The following ADAMTS12 variants were observed in gnomAD, a reference collection of about 807,000 sequenced individuals.
The protein encoded by ADAMTS12 is A disintegrin and metalloproteinase with thrombospondin motifs 12.
A neutral mutation model predicts 167.8 loss-of-function variants in ADAMTS12; 118 were observed. The ratio of observed to expected loss-of-function variants is 0.70; its 90% CI spans 0.61 to 0.82. The LOEUF (loss-of-function observed/expected upper bound fraction) is 0.82. ADAMTS12 is among the 40% of genes least tolerant of loss of function. ADAMTS12 has a pLI of 0.00. For missense variants in ADAMTS12, 1,916 were observed against 1,998.8 expected, an observed-to-expected ratio of 0.96 and a Z score of 0.79; for synonymous variants, 704 against 716.9, an observed-to-expected ratio of 0.98 and a Z score of 0.29.
At chr5:33,571,081 C>T (rs1160003317) in intron 19 of ADAMTS12, among the ~76,000 whole-genome samples, 2 of 152,136 alleles carry the variant, frequency 1.3e-5, no homozygotes, top group East Asian at 1.9e-4. Context: ...TACAGGAGCA[C>T]CCAGATTCAT....
At chr5:33,803,550 T>G (rs989230231) in intron 2 of ADAMTS12, among the ~76,000 whole-genome samples, 12 of 152,186 alleles carry the variant, frequency 7.9e-5, no homozygotes, top group African/African-American at 2.9e-4. Flanking sequence ...CAAAGTACAA[T>G]GATCTCTATG....
At chr5:33,702,985 C>T (rs1026166886) in intron 3 of ADAMTS12, among the ~76,000 whole-genome samples, 1 of 152,190 alleles carries the variant, frequency 6.6e-6, no homozygotes, top group East Asian at 1.9e-4. Context: ...TGTTCATCCA[C>T]AGGTGGGGAG....
chr5:33,684,006 C>T lies in ADAMTS12; in HGVS notation c.684G>A (p.Glu228=). ...QKQELWREKW[E]RHNLPSRSLS... ...GGCTTCTGCTTGGCAAGTTGTGCCT[C>T]TCCCACTTCTCCCGCCATAGCTCTT... is the stretch of plus-strand genomic sequence containing the variant. Residue 228 remains glutamate (E), a synonymous_variant, in exon 4 of 24, where the codon GAG becomes GAA. Coordinates refer to ENST00000504830, the MANE Select transcript of ADAMTS12 (RefSeq NM_030955.4). 1 of 1,604,386 alleles carries T rather than the reference C, an allele frequency of 6.2e-7. No homozygotes were observed. Among genetic ancestry groups the T allele is most frequent in the South Asian group, 1.1e-5 (1 of 89,804 alleles).
At chr5:33,825,352 A>G (rs1748022693) in intron 2 of ADAMTS12, among the ~76,000 whole-genome samples, 1 of 152,212 alleles carries the variant, frequency 6.6e-6, no homozygotes, top group Non-Finnish European at 1.5e-5. Flanking sequence ...GATTCTGGTG[A>G]TATCAATGAA....
intron 2 of ADAMTS12, among the ~76,000 whole-genome samples, chr5:33,858,353 T>G (rs1280284127): frequency 1.3e-5 from 2 of 152,110 alleles, no homozygotes; most frequent in African/African-American, 4.8e-5. Flanking sequence ...AAGCACAAAA[T>G]GCTTACAGTA....
intron 22 of ADAMTS12, among the ~76,000 whole-genome samples, chr5:33,538,990 G>A (rs570410298): frequency 3.9e-5 from 6 of 152,110 alleles, no homozygotes; most frequent in Non-Finnish European, 7.4e-5. Flanking sequence ...CACCCAGGCT[G>A]GAGTGCAGTG....
intron 3 of ADAMTS12, among the ~76,000 whole-genome samples, chr5:33,723,681 C>A (rs774911243): frequency 1.3e-5 from 2 of 152,184 alleles, no homozygotes; most frequent in Admixed American, 1.3e-4. Context: ...GTGTGTGCAA[C>A]CCCAGCCCTG....
chr5:33,630,229 A>G (rs1225258700), intron 13 of ADAMTS12, among the ~76,000 whole-genome samples: 2 of 152,216 alleles, frequency 1.3e-5, no homozygotes, highest in African/African-American at 4.8e-5. Context: ...AGCAACAAGG[A>G]ATTCTTTAAT....
At chr5:33,704,892 A>T (rs11951812) in intron 3 of ADAMTS12, among the ~76,000 whole-genome samples, 8 of 151,912 alleles carry the variant, frequency 5.3e-5, no homozygotes, top group Non-Finnish European at 1.0e-4. Context: ...TGGTTTTATA[A>T]GCAAGAAATC....
chr5:33,884,834 T>C (rs1427605156), intron 1 of ADAMTS12, among the ~76,000 whole-genome samples: 1 of 152,262 alleles, frequency 6.6e-6, no homozygotes, highest in Non-Finnish European at 1.5e-5. Flanking sequence ...TACCCTGTTA[T>C]ACATGCAAGT....
intron 2 of ADAMTS12, among the ~76,000 whole-genome samples, chr5:33,764,742 T>C (rs1013527103): frequency 6.6e-6 from 1 of 152,038 alleles, no homozygotes; most frequent in African/African-American, 2.4e-5. Flanking sequence ...GCTTTAAAAT[T>C]GGGGAAAATA....
At chr5:33,741,549 C>A (rs1189305416) in intron 3 of ADAMTS12, among the ~76,000 whole-genome samples, 1 of 152,148 alleles carries the variant, frequency 6.6e-6, no homozygotes, top group Non-Finnish European at 1.5e-5. Context: ...GGGAGGACAC[C>A]ATTTAGCTCA....
chr5:33,647,670 G>T (rs920731366), intron 9 of ADAMTS12, among the ~76,000 whole-genome samples: 1 of 152,202 alleles, frequency 6.6e-6, no homozygotes, highest in African/African-American at 2.4e-5. Flanking sequence ...GGCAGAGGTT[G>T]CAGTGAGCCA....
chr5:33,716,151 G>A (rs902767462), intron 3 of ADAMTS12, among the ~76,000 whole-genome samples: 4 of 152,070 alleles, frequency 2.6e-5, no homozygotes, highest in Admixed American at 6.6e-5. Flanking sequence ...TCGTAAATGG[G>A]ATTAGTGCCC....
intron 3 of ADAMTS12, among the ~76,000 whole-genome samples, chr5:33,709,962 G>A (rs1345294926): frequency 6.6e-6 from 1 of 151,944 alleles, no homozygotes; most frequent in African/African-American, 2.4e-5. Context: ...AGCAATCCAC[G>A]CAAACCAAGT....
rs181522962 is a variant in ADAMTS12 at position 33,878,785 on chromosome 5, T to C, written c.489+2334A>G. Among the ~76,000 whole-genome samples, 488 of 152,294 alleles carry C rather than the reference T, an allele frequency of 3.2e-3. 2 individuals are homozygous for C. Among genetic ancestry groups the C allele is most frequent in the African/African-American group, 0.011 (458 of 41,566 alleles). ...AAAAATGCTGATGCTGGGACTCTAC[T>C]CTCAGACCAATTAAATCAAAACATC... is the stretch of plus-strand genomic sequence containing the variant. On this transcript the variant is annotated intron_variant, in intron 2 of 23. Coordinates refer to ENST00000504830, the MANE Select transcript of ADAMTS12 (RefSeq NM_030955.4).
chr5:33,603,743 T>C (rs1165956393), intron 16 of ADAMTS12: 4 of 151,914 alleles, frequency 2.6e-5, no homozygotes, highest in Non-Finnish European at 5.9e-5. Context: ...AAAGGTAATA[T>C]TTTAAAAATT....
intron 13 of ADAMTS12, among the ~76,000 whole-genome samples, chr5:33,626,660 G>A (rs1739640076): frequency 8.9e-6 from 1 of 112,382 alleles, no homozygotes; most frequent in Admixed American, 1.0e-4. Context: ...TGGTGATGTG[G>A]TAATGGTGGT....
chr5:33,797,170 C>G (rs1261202953), intron 2 of ADAMTS12, among the ~76,000 whole-genome samples: 1 of 152,188 alleles, frequency 6.6e-6, no homozygotes, highest in Non-Finnish European at 1.5e-5. Context: ...AGATGCCTAG[C>G]CTCCCACAGC....
Sources: gnomAD v4.1 joint callset for allele counts (sites outside exome capture counted in the v4.1 genomes callset) on GRCh38, gnomAD v4.1.1 for gene constraint, MANE v1.5 for transcripts, NCBI Gene and HGNC (gene_info 2026-07-23, HGNC 2026-07-21) for gene names.